The following BRI3 variants were observed in gnomAD, a reference collection of about 807,000 sequenced individuals.
BRI3 encodes brain protein I3, also known as membrane protein BRI3.
A neutral mutation model predicts 12.8 loss-of-function variants in BRI3; 6 were observed. The ratio of observed to expected loss-of-function variants is 0.47; its 90% CI spans 0.26 to 0.93. The LOEUF is 0.93. Among genes scored for constraint, BRI3 ranks in the 40% least tolerant of loss-of-function variants. The pLI, the probability that BRI3 is intolerant of heterozygous loss-of-function variation, is 0.15. For missense variants in BRI3, 134 were observed against 171.1 expected (o/e 0.78, Z 1.21); for synonymous variants, 91 against 76.1 (o/e 1.20, Z -1.02).
chr7:98,314,755 A>G (rs1801010161), downstream of BRI3, among the ~76,000 whole-genome samples: 2 of 152,128 alleles, frequency 1.3e-5, no homozygotes, highest in African/African-American at 4.8e-5. Context: ...TGAAGGGAGC[A>G]TCTCAAATCG....
downstream of BRI3, among the ~76,000 whole-genome samples, chr7:98,311,498 G>A (rs902944191): frequency 4.0e-5 from 6 of 151,336 alleles, no homozygotes; most frequent in African/African-American, 1.2e-4. Context: ...CCGAGATTGC[G>A]CCATTGCACT....
At chr7:98,304,513 G>A, upstream of BRI3, 7 of 862,032 alleles carry the variant, frequency 8.1e-6, no homozygotes, top group Non-Finnish European at 1.1e-5. Flanking sequence ...CACACACACA[G>A]ACACACACAG....
chr7:98,306,351 C>G, upstream of BRI3: 1 of 1,500,546 alleles, frequency 6.7e-7, no homozygotes, highest in Non-Finnish European at 9.3e-7. Context: ...AGGGCAGGGC[C>G]TGCGACACAG....
chr7:98,307,912 T>C (rs1352415022), exon 2 of BRI3: 1 of 1,613,412 alleles, frequency 6.2e-7, no homozygotes, highest in Non-Finnish European at 8.5e-7. Context: ...GGAGGGAGTG[T>C]AGCAGTAATG....
downstream of BRI3, chr7:98,293,495 G>A: frequency 1.2e-6 from 2 of 1,603,156 alleles, no homozygotes; most frequent in Non-Finnish European, 1.7e-6. Flanking sequence ...AACCGGAGAG[G>A]CCCGGGAGAG....
chr7:98,314,620 A>C (rs1801003004), downstream of BRI3, among the ~76,000 whole-genome samples: 1 of 152,192 alleles, frequency 6.6e-6, no homozygotes, highest in Admixed American at 6.5e-5. Context: ...CATTCAGTTG[A>C]ATAAACCAGG....
In BRI3 at chr7:98,307,505, A is replaced by G. The variant is rs201596651; in HGVS notation, n.145-10A>G. 188 of 1,440,554 alleles carry G rather than the reference A, an allele frequency of 1.3e-4. No individual in the cohort carries two copies. The East Asian group carries it at 4.1e-3, about 31-fold the overall frequency. The allele number at this position is 1,440,554 out of a possible 1,614,324, so 89.2% of individuals were successfully genotyped here. On this transcript the variant is annotated splice_polypyrimidine_tract_variant and intron_variant and non_coding_transcript_variant, in intron 1 of 1. Transcript: ENST00000485422. ...CTATGCATGCACCAAATGTATCTCT[A>G]CATGCACAGACATACAGAAAATAGC...
In BRI3 at chr7:98,288,024, C is replaced by T. The variant is rs184096738; in HGVS notation, c.246-3087C>T. ...CTGATTGGGCTGGCTGAGGGGTGCC[C>T]GGTGACACTGGGGACCACTCTGGGG... is the stretch of plus-strand genomic sequence containing the variant. On this transcript the variant is annotated intron_variant, in intron 2 of 2. Transcript: ENST00000297290. Among the ~76,000 whole-genome samples the T allele has an allele frequency of 4.5e-4, 68 of 152,282 alleles. No homozygotes were observed. In the East Asian group the frequency reaches 0.012, roughly 27 times the overall value.
At chr7:98,321,331 A>G in the BRI3 span, among the ~76,000 whole-genome samples, 1 of 152,232 alleles carries the variant, frequency 6.6e-6, no homozygotes, top group African/African-American at 2.4e-5. Context: ...TCTGTCAGGC[A>G]CGAGAGATAA....
intron 2 of BRI3, among the ~76,000 whole-genome samples, chr7:98,290,036 T>C (rs1321163103): frequency 5.9e-5 from 9 of 152,140 alleles, no homozygotes; most frequent in African/African-American, 2.2e-4. Context: ...GACTGTAGTC[T>C]CCCATTAACC....
chr7:98,284,609 G>A (rs1286101599), intron 2 of BRI3, among the ~76,000 whole-genome samples: 3 of 152,200 alleles, frequency 2.0e-5, no homozygotes, highest in Non-Finnish European at 2.9e-5. Context: ...CCAGCCCGCC[G>A]GGCTCTGTCC....
upstream of BRI3, chr7:98,304,400 A>C: frequency 6.2e-7 from 1 of 1,612,362 alleles, no homozygotes; most frequent in Non-Finnish European, 8.5e-7. Flanking sequence ...AGGACACAGC[A>C]CGTGTTAGAT....
At chr7:98,305,047 GTTT>G (rs59633894), upstream of BRI3, among the ~76,000 whole-genome samples, 8 of 100,378 alleles carry the variant, frequency 8.0e-5, no homozygotes, top group African/African-American at 3.0e-4. Flanking sequence ...TTTGTTTTTT[GTTT>G]TTTTTTTTTT....
At chr7:98,294,056 G>T (rs371780461), downstream of BRI3, 123 of 1,613,224 alleles carry the variant, frequency 7.6e-5, no homozygotes, top group Non-Finnish European at 9.7e-5. Flanking sequence ...TGAGGCTCAC[G>T]TAGGAAGCCA....
chr7:98,320,094 C>T, the BRI3 span: 2 of 1,613,590 alleles, frequency 1.2e-6, no homozygotes, highest in Non-Finnish European at 1.7e-6. Context: ...TCTTCTTCTC[C>T]AGCTCATGGA....
the BRI3 span, chr7:98,320,384 G>T: frequency 2.0e-6 from 2 of 1,014,804 alleles, no homozygotes; most frequent in East Asian, 2.5e-5. Flanking sequence ...CGCCCAGGCT[G>T]GAGTGCAAAG....
chr7:98,321,705 T>C, the BRI3 span, among the ~76,000 whole-genome samples: 6 of 152,078 alleles, frequency 3.9e-5, no homozygotes, highest in African/African-American at 4.8e-5. Flanking sequence ...GAGAAACACA[T>C]AGACTCATCT....
At chr7:98,316,884 G>A in the BRI3 span, among the ~76,000 whole-genome samples, 1 of 148,278 alleles carries the variant, frequency 6.7e-6, no homozygotes, top group African/African-American at 2.5e-5. Context: ...TTTTTTTTGA[G>A]ATGGAGTCTC....
At chr7:98,301,148 T>A (rs1000255250) in intron 1 of BRI3, among the ~76,000 whole-genome samples, 15 of 152,198 alleles carry the variant, frequency 9.9e-5, no homozygotes, top group African/African-American at 3.4e-4. Flanking sequence ...CTCACTGCCA[T>A]GTGACTGTGT....
Sources: allele counts gnomAD v4.1 joint callset (sites outside exome capture counted in the v4.1 genomes callset), GRCh38; gene constraint gnomAD v4.1.1; transcripts MANE v1.5; gene names NCBI Gene and HGNC (gene_info 2026-07-23, HGNC 2026-07-21).